Variants in SMIM13 observed in about 807,000 individuals in gnomAD.
SMIM13 encodes the protein UPF0766 protein C6orf228.
A neutral mutation model predicts 5.9 loss-of-function variants in SMIM13; 3 were observed. The ratio of observed to expected loss-of-function variants is 0.51; its 90% confidence interval spans 0.23 to 1.31. SMIM13 has a LOEUF of 1.31. Among genes scored for constraint, SMIM13 ranks in the 40% most tolerant of loss-of-function variants. SMIM13 has a pLI of 0.18. For synonymous variants in SMIM13, 55 were observed against 46.0 expected, an observed-to-expected ratio of 1.19 and a Z score of -0.79; for missense variants, 85 against 109.9, an observed-to-expected ratio of 0.77 and a Z score of 1.01.
intron 1 of SMIM13, among the ~76,000 whole-genome samples, chr6:11,107,055 A>G (rs1210195366): frequency 6.6e-6 from 1 of 152,188 alleles, no homozygotes; most frequent in Admixed American, 6.5e-5. Context: ...AATTTGTTGA[A>G]GGGACATTGT....
chr6:11,128,745 A>G (rs565720197), intron 1 of SMIM13, among the ~76,000 whole-genome samples: 2 of 152,210 alleles, frequency 1.3e-5, no homozygotes, highest in East Asian at 1.9e-4. Context: ...GGACTGGTCT[A>G]GCTGCTCCCT....
rs185433719 is a variant in SMIM13 at position 11,131,532 on chromosome 6, A to G, written c.77-2871A>G. Reference sequence around the variant, plus strand: ...ATTTCCTGATTTTTAAACTTAGTATAAAGCTACTGTAACCAACATGGTATG... The same window carrying G: ...ATTTCCTGATTTTTAAACTTAGTATGAAGCTACTGTAACCAACATGGTATG... On this transcript the variant is annotated intron_variant, in intron 1 of 1. Transcript: ENST00000416247. Among the ~76,000 whole-genome samples the G allele has an allele frequency of 4.1e-3, 632 of 152,294 alleles. 4 individuals are homozygous for G. Among genetic ancestry groups the G allele is most frequent in the Non-Finnish European group, 7.2e-3 (489 of 68,012 alleles).
At chr6:11,108,943 A>C (rs1157861730) in intron 1 of SMIM13, among the ~76,000 whole-genome samples, 1 of 152,168 alleles carries the variant, frequency 6.6e-6, no homozygotes, top group East Asian at 1.9e-4. Context: ...GTCAAGCCCA[A>C]TTTATTACAG....
At chr6:11,105,251 A>T (rs1758067810) in intron 1 of SMIM13, 4 of 1,614,054 alleles carry the variant, frequency 2.5e-6, no homozygotes, top group Non-Finnish European at 2.5e-6. Flanking sequence ...ACGGGAAATC[A>T]GGATGGCGGT....
chr6:11,114,573 A>T (rs1291199531), intron 1 of SMIM13, among the ~76,000 whole-genome samples: 6 of 93,770 alleles, frequency 6.4e-5, no homozygotes, highest in South Asian at 4.0e-4. Context: ...CTGTATTGAG[A>T]TGGTCATGCA....
chr6:11,110,364 T>C lies in SMIM13; in HGVS notation c.76+15975T>C, dbSNP rs74904128. Among the ~76,000 whole-genome samples the C allele has an allele frequency of 7.4e-4, 112 of 152,328 alleles. 3 individuals are homozygous for C. In the East Asian group the frequency reaches 0.02, roughly 27 times the overall value. On this transcript the variant is annotated intron_variant, in intron 1 of 1. Coordinates refer to ENST00000416247, the MANE Select transcript of SMIM13 (RefSeq NM_001135575.2). ...ATCTGCCTCCTTGGGCTGTCCTATA[T>C]CCTTGTCTCCATGACCTTATAGTGA... is the stretch of plus-strand genomic sequence containing the variant.
At chr6:11,105,556 C>G in intron 1 of SMIM13, 1 of 456,162 alleles carries the variant, frequency 2.2e-6, no homozygotes, top group Non-Finnish European at 4.1e-6. Flanking sequence ...GGTTCTGGCT[C>G]TGGAGTTTAA....
At chr6:11,102,991 T>C (rs1758018246) in intron 1 of SMIM13, 1 of 152,212 alleles carries the variant, frequency 6.6e-6, no homozygotes, top group African/African-American at 2.4e-5. Context: ...GTTTTATACA[T>C]TGGCATTGTT....
intron 1 of SMIM13, among the ~76,000 whole-genome samples, chr6:11,113,078 G>A (rs1443679040): frequency 1.3e-5 from 2 of 151,998 alleles, no homozygotes; most frequent in Non-Finnish European, 2.9e-5. Context: ...TAATCCACCC[G>A]CCTGGGCCTC....
chr6:11,119,682 A>G (rs1758286548), intron 1 of SMIM13, among the ~76,000 whole-genome samples: 1 of 152,110 alleles, frequency 6.6e-6, no homozygotes, highest in Admixed American at 6.6e-5. Flanking sequence ...GGTCCTCATC[A>G]TCTATAATAA....
At chr6:11,108,556 C>G (rs1758122232) in intron 1 of SMIM13, among the ~76,000 whole-genome samples, 1 of 152,134 alleles carries the variant, frequency 6.6e-6, no homozygotes, top group African/African-American at 2.4e-5. Context: ...GGCCTGGCTC[C>G]CCACAGAAGT....
chr6:11,104,073 A>G (rs1182892806), intron 1 of SMIM13: 2 of 1,551,736 alleles, frequency 1.3e-6, no homozygotes, highest in East Asian at 2.4e-5. Context: ...ATTTTGAAGG[A>G]CTACGGCTGC....
chr6:11,131,024 AT>A (rs1411663130), intron 1 of SMIM13, among the ~76,000 whole-genome samples: 3 of 152,166 alleles, frequency 2.0e-5, no homozygotes, highest in African/African-American at 7.2e-5. Flanking sequence ...TACCACTGTA[AT>A]ATCTGTTTAG....
chr6:11,110,886 G>A (rs1561754850), intron 1 of SMIM13, among the ~76,000 whole-genome samples: 1 of 152,174 alleles, frequency 6.6e-6, no homozygotes, highest in Non-Finnish European at 1.5e-5. Context: ...GCGAGTGGGT[G>A]GGGTCCTTAA....
chr6:11,097,460 A>G (rs375286916), intron 1 of SMIM13, among the ~76,000 whole-genome samples: 18 of 152,046 alleles, frequency 1.2e-4, no homozygotes, highest in Non-Finnish European at 2.6e-4. Context: ...GTTCGAGACC[A>G]GCCTGGCCAA....
intron 1 of SMIM13, among the ~76,000 whole-genome samples, chr6:11,113,929 CCTT>C (rs1294565997): frequency 5.4e-5 from 8 of 149,316 alleles, no homozygotes; most frequent in Admixed American, 4.7e-4. Flanking sequence ...TTTGATAAGT[CCTT>C]CTTATCAAGT....
intron 1 of SMIM13, chr6:11,105,036 A>G (rs756641090): frequency 3.1e-6 from 5 of 1,614,204 alleles, no homozygotes; most frequent in Admixed American, 3.3e-5. Flanking sequence ...TGTTGAAAGA[A>G]GACTATTTGC....
intron 1 of SMIM13, among the ~76,000 whole-genome samples, chr6:11,101,642 T>C (rs1197055846): frequency 1.3e-5 from 2 of 152,124 alleles, no homozygotes; most frequent in East Asian, 3.9e-4. Context: ...ACTATTCTCA[T>C]GCTGATTTGA....
At chr6:11,104,668 A>G (rs1205174320) in intron 1 of SMIM13, 6 of 1,614,080 alleles carry the variant, frequency 3.7e-6, no homozygotes, top group Admixed American at 1.7e-5. Flanking sequence ...ATTTGCAGAC[A>G]TTGGTTATAA....
Sources: gnomAD v4.1 joint callset for allele counts (sites outside exome capture counted in the v4.1 genomes callset) on GRCh38, gnomAD v4.1.1 for gene constraint, MANE v1.5 for transcripts, NCBI Gene and HGNC (gene_info 2026-07-23, HGNC 2026-07-21) for gene names.